The following METTL9 variants were observed in gnomAD, a reference collection of about 807,000 sequenced individuals.
METTL9 encodes protein-L-histidine N-pros-methyltransferase.
A neutral mutation model predicts 36.0 loss-of-function variants in METTL9; 10 were observed. That is an observed-to-expected ratio of 0.28 (90% CI 0.17 to 0.47). The LOEUF (loss-of-function observed/expected upper bound fraction) is 0.47. Ranked by LOEUF, METTL9 falls within the 20% of genes least tolerant of loss-of-function variation. The pLI is 0.99. For missense variants in METTL9, 246 were observed against 383.5 expected (o/e 0.64, Z 3.00); for synonymous variants, 175 against 149.7 (o/e 1.17, Z -1.23).
intron 4 of METTL9, among the ~76,000 whole-genome samples, chr16:21,629,135 GC>G (rs747995744): frequency 5.3e-5 from 8 of 151,898 alleles, no homozygotes; most frequent in Non-Finnish European, 1.0e-4. Flanking sequence ...CTCAAGTGAT[GC>G]CCCCTCAGTC....
Position 21,652,617 on chromosome 16 carries a change from G to A in METTL9, c.752-2610G>A, listed in dbSNP as rs752644777. ...TCCCCATTTCTGTGTATGCCGGGGC[G>A]GGTTGGGGTGTGTATTTGAAAGGAA... On this transcript the variant is annotated intron_variant, in intron 4 of 4. Transcript: ENST00000358154. 5.6e-6 allele frequency: 9 copies of A among 1,596,158 alleles called. No homozygotes were observed. In the Admixed American group the frequency reaches 8.7e-5, roughly 15 times the overall value.
intron 3 of METTL9, among the ~76,000 whole-genome samples, chr16:21,621,419 AG>A (rs1170104124): frequency 6.6e-6 from 1 of 151,660 alleles, no homozygotes; most frequent in African/African-American, 2.4e-5. Context: ...TCTACCTCCC[AG>A]GTTCAAGTGA....
At chr16:21,641,652 T>C in intron 4 of METTL9, 1 of 1,095,458 alleles carries the variant, frequency 9.1e-7, no homozygotes, top group South Asian at 1.4e-5. Context: ...TGAAGCCAAC[T>C]GCCAAGGAAC....
At chr16:21,632,032 C>T (rs935354335) in intron 4 of METTL9, among the ~76,000 whole-genome samples, 1 of 152,116 alleles carries the variant, frequency 6.6e-6, no homozygotes, top group East Asian at 1.9e-4. Flanking sequence ...TCCCTTTCTG[C>T]TGGTTTTTCC....
intron 4 of METTL9, among the ~76,000 whole-genome samples, chr16:21,636,478 A>G (rs1966095469): frequency 6.6e-6 from 1 of 152,150 alleles, no homozygotes; most frequent in African/African-American, 2.4e-5. Context: ...CCAAGAGGTG[A>G]GAGGAAGTTT....
intron 1 of METTL9, among the ~76,000 whole-genome samples, chr16:21,605,254 C>CTTTTTTTTTTT (rs1555488566): frequency 4.8e-5 from 2 of 41,798 alleles, no homozygotes; most frequent in Admixed American, 2.9e-4. Flanking sequence ...ATAGGCTTGC[C>CTTTTTTTTTTT]TTCTTTTTTT....
intron 2 of METTL9, among the ~76,000 whole-genome samples, chr16:21,616,251 G>A (rs1421891084): frequency 2.6e-5 from 4 of 152,160 alleles, no homozygotes; most frequent in Admixed American, 6.5e-5. Flanking sequence ...TAGGGTCTGA[G>A]GAGGAAGTGC....
At chr16:21,619,731 C>T (rs1443951934) in intron 3 of METTL9, among the ~76,000 whole-genome samples, 4 of 152,018 alleles carry the variant, frequency 2.6e-5, no homozygotes, top group Admixed American at 6.5e-5. Flanking sequence ...CCACTGCACC[C>T]GGCTGGAAGA....
intron 3 of METTL9, among the ~76,000 whole-genome samples, chr16:21,622,759 T>G (rs1597756514): frequency 6.6e-6 from 1 of 152,342 alleles, no homozygotes; most frequent in South Asian, 2.1e-4. Flanking sequence ...TGAGCATATA[T>G]TTCTCTTCCA....
intron 3 of METTL9, among the ~76,000 whole-genome samples, chr16:21,621,330 ATT>A (rs543954823): frequency 6.9e-6 from 1 of 145,172 alleles, no homozygotes. Context: ...AGGTTCTGTA[ATT>A]TTTTTTTTTT....
chr16:21,638,923 C>T (rs1025997423), intron 4 of METTL9, among the ~76,000 whole-genome samples: 1 of 152,168 alleles, frequency 6.6e-6, no homozygotes, highest in African/African-American at 2.4e-5. Context: ...AAATCAATGA[C>T]TGTACATCCC....
In METTL9 at chr16:21,635,599, C is replaced by G. The variant is rs566825201; in HGVS notation, c.751+10484C>G. 3.3e-5 allele frequency among the ~76,000 whole-genome samples: 5 copies of G among 152,260 alleles called. No individual in the cohort carries two copies. In the East Asian group the frequency reaches 5.8e-4, roughly 18 times the overall value. Reference sequence around the variant, plus strand: ...ATAGTATTGTAATTTCTACTTCCCTCAGGTGGCCATTTTTCCCCATCAGAG... The same window carrying G: ...ATAGTATTGTAATTTCTACTTCCCTGAGGTGGCCATTTTTCCCCATCAGAG... On this transcript the variant is annotated intron_variant, in intron 4 of 4. Transcript: ENST00000358154.
chr16:21,647,024 T>G (rs751039961), intron 4 of METTL9: 11 of 1,408,582 alleles, frequency 7.8e-6, no homozygotes, highest in Non-Finnish European at 1.0e-6. Flanking sequence ...CTGGCTAGGG[T>G]ATTAACTTAG....
chr16:21,621,489 C>T (rs1459595225), intron 3 of METTL9, among the ~76,000 whole-genome samples: 1 of 152,062 alleles, frequency 6.6e-6, no homozygotes, highest in Non-Finnish European at 1.5e-5. Flanking sequence ...CCACACCCAG[C>T]TAAATTTTTT....
chr16:21,647,183 G>T, intron 4 of METTL9: 3 of 1,614,036 alleles, frequency 1.9e-6, no homozygotes, highest in Non-Finnish European at 2.5e-6. Flanking sequence ...TCTCGCTTCC[G>T]GCACACTGGG....
At chr16:21,648,454 C>A (rs996909421) in intron 4 of METTL9, among the ~76,000 whole-genome samples, 9 of 152,186 alleles carry the variant, frequency 5.9e-5, no homozygotes, top group African/African-American at 9.7e-5. Context: ...GCAGCCGCCA[C>A]TGCTACTGTT....
At chr16:21,629,278 G>A (rs1270432604) in intron 4 of METTL9, among the ~76,000 whole-genome samples, 1 of 152,126 alleles carries the variant, frequency 6.6e-6, no homozygotes, top group Non-Finnish European at 1.5e-5. Flanking sequence ...GGGTCTTTAG[G>A]AGGTGATTAG....
At chr16:21,633,506 G>C (rs1264125526) in intron 4 of METTL9, among the ~76,000 whole-genome samples, 1 of 152,176 alleles carries the variant, frequency 6.6e-6, no homozygotes, top group Non-Finnish European at 1.5e-5. Flanking sequence ...TGGTCTGTGG[G>C]ATCCTCAAAG....
In METTL9 at chr16:21,599,775, C is replaced by G. The variant is rs1186037608; in HGVS notation, c.42C>G (p.Ser14=). The change falls in exon 1 of 5, where the codon TCC becomes TCG. Residue 14 remains serine, a synonymous_variant. Coordinates refer to ENST00000358154, the MANE Select transcript of METTL9 (RefSeq NM_016025.5). The surrounding 1 kb of genome is among the most constrained non-coding windows in gnomAD (Gnocchi z 4.4). ...GCTGGCTGTGCCTGAGCCTGGCGTC[C>G]GTGTGGCTGGCGCGGAGGATGTGGA... is the stretch of plus-strand genomic sequence containing the variant. ...LAGWLCLSLA[S]VWLARRMWTL... The G allele has an allele frequency of 6.5e-7, 1 of 1,545,456 alleles. No homozygotes were observed. Among genetic ancestry groups the G allele is most frequent in the Admixed American group, 1.9e-5 (1 of 52,392 alleles).
Sources: allele counts gnomAD v4.1 joint callset (sites outside exome capture counted in the v4.1 genomes callset), GRCh38; gene constraint gnomAD v4.1.1; non-coding constraint Gnocchi (gnomAD v3.1); transcripts MANE v1.5; gene names NCBI Gene and HGNC (gene_info 2026-07-23, HGNC 2026-07-21).